Variants in GADL1 observed in about 807,000 individuals in gnomAD.
The protein encoded by GADL1 is GAD like acidic amino acid decarboxylase 1.
GADL1 carries 71 observed loss-of-function variants against 69.5 expected under a neutral mutation model. That is an observed-to-expected ratio of 1.02 (90% CI 0.84 to 1.25). The LOEUF (loss-of-function observed/expected upper bound fraction) is 1.25. Among genes scored for constraint, GADL1 ranks in the 50% most tolerant of loss-of-function variants. The pLI, the probability that GADL1 is intolerant of heterozygous loss-of-function variation, is 0.00. For synonymous variants in GADL1, 254 were observed against 214.4 expected (o/e 1.18, Z -1.62); for missense variants, 737 against 631.8 (o/e 1.17, Z -1.79).
chr3:30,806,039 A>G (rs556940786), intron 11 of GADL1, among the ~76,000 whole-genome samples: 35 of 152,108 alleles, frequency 2.3e-4, no homozygotes, highest in African/African-American at 8.0e-4. Flanking sequence ...CTAACAGGCC[A>G]TGAACCGGTA....
intron 11 of GADL1, among the ~76,000 whole-genome samples, chr3:30,817,542 C>A (rs928263790): frequency 2.0e-5 from 3 of 152,108 alleles, no homozygotes; most frequent in Non-Finnish European, 2.9e-5. Flanking sequence ...AGTGGCTAAT[C>A]CTCTAATGCT....
At chr3:30,761,672 AG>A (rs1472452868) in intron 14 of GADL1, among the ~76,000 whole-genome samples, 1 of 150,512 alleles carries the variant, frequency 6.6e-6, no homozygotes, top group African/African-American at 2.4e-5. Flanking sequence ...TTTTTAAAAA[AG>A]GAATGAGATT....
At position 30,781,857 on chromosome 3, in the gene GADL1, A is replaced by G. The variant is rs151045169; in HGVS notation, c.1303-3589T>C. ...TTTGGGGCCATAATGGCAAAAAGAG[A>G]TGTCTTTTAAAGTGGATGAGTAGCT... On this transcript the variant is annotated intron_variant, in intron 13 of 14. Transcript: ENST00000282538. Among the ~76,000 whole-genome samples the G allele has an allele frequency of 1.9e-3, 286 of 152,312 alleles. No individual in the cohort carries two copies. The South Asian group carries it at 0.02, about 11-fold the overall frequency.
chr3:30,752,422 A>C (rs1391634753), intron 14 of GADL1, among the ~76,000 whole-genome samples: 1 of 151,418 alleles, frequency 6.6e-6, no homozygotes, highest in Non-Finnish European at 1.5e-5. Flanking sequence ...GATGGGAGTA[A>C]CAATGGAGTC....
intron 6 of GADL1, among the ~76,000 whole-genome samples, chr3:30,846,180 A>G (rs1231160378): frequency 6.6e-6 from 1 of 152,186 alleles, no homozygotes; most frequent in East Asian, 1.9e-4. Flanking sequence ...AGTTTCAAGG[A>G]AAGGAAAAAC....
chr3:30,828,801 C>T (rs1458976076), intron 11 of GADL1, among the ~76,000 whole-genome samples: 3 of 151,898 alleles, frequency 2.0e-5, no homozygotes, highest in Admixed American at 6.6e-5. Context: ...ATATACTCTA[C>T]TCTGCTCATG....
chr3:30,738,158 A>C (rs1267344784), intron 14 of GADL1, among the ~76,000 whole-genome samples: 2 of 152,130 alleles, frequency 1.3e-5, no homozygotes, highest in Non-Finnish European at 2.9e-5. Flanking sequence ...TTGTGGGCCA[A>C]CTCCCAAATG....
intron 1 of GADL1, among the ~76,000 whole-genome samples, chr3:30,871,450 C>T (rs1436440094): frequency 1.3e-5 from 2 of 151,690 alleles, no homozygotes; most frequent in African/African-American, 4.9e-5. Flanking sequence ...GAATTTGAGC[C>T]AGGTATCCCA....
chr3:30,786,515 C>A, intron 12 of GADL1, 109 bp from the exon 13 acceptor site: 1 of 680,426 alleles, frequency 1.5e-6, no homozygotes. Context: ...AAGAAAGATA[C>A]AGATAAAGGT....
At chr3:30,859,560 A>G (rs1273539972) in intron 2 of GADL1, among the ~76,000 whole-genome samples, 1 of 151,996 alleles carries the variant, frequency 6.6e-6, no homozygotes, top group Non-Finnish European at 1.5e-5. Context: ...TAACTATTCT[A>G]ATGAAGATAT....
rs186759311 is a variant in GADL1, at chr3:30,893,713, C to A, written c.37+865G>T. Among the ~76,000 whole-genome samples, 409 of 152,164 alleles carry A rather than the reference C, an allele frequency of 2.7e-3. 1 individual carries two copies. The highest frequency in any genetic ancestry group is 0.01 in the Middle Eastern group (3 of 294). On this transcript the variant is annotated intron_variant, in intron 1 of 14. Coordinates refer to ENST00000282538, the MANE Select transcript of GADL1 (RefSeq NM_207359.3). ...TTAAAAGGTGAAATATTTGTTTCAG[C>A]CAAATGGTTTCTGCCTCACCAACTA...
chr3:30,818,595 C>T (rs1177330445), intron 11 of GADL1, among the ~76,000 whole-genome samples: 2 of 150,764 alleles, frequency 1.3e-5, no homozygotes, highest in African/African-American at 2.5e-5. Flanking sequence ...ATACAAAATA[C>T]CTCATTAAAT....
At chr3:30,743,547 G>A (rs1042883994) in intron 14 of GADL1, among the ~76,000 whole-genome samples, 6 of 152,162 alleles carry the variant, frequency 3.9e-5, no homozygotes, top group Non-Finnish European at 5.9e-5. Context: ...CAAGGAAAGT[G>A]GGTTGCTAGA....
intron 4 of GADL1, 146 bp downstream of exon 4, chr3:30,854,553 A>G: frequency 1.8e-6 from 1 of 543,856 alleles, no homozygotes. Context: ...CTATTTGAAT[A>G]CTGATAAGTA....
chr3:30,835,421 G>A (rs1253245742), intron 9 of GADL1, among the ~76,000 whole-genome samples: 2 of 151,988 alleles, frequency 1.3e-5, no homozygotes, highest in African/African-American at 4.8e-5. Context: ...CCACAGATAT[G>A]GAAGATAAAG....
At chr3:30,748,019 A>G (rs1296949528) in intron 14 of GADL1, among the ~76,000 whole-genome samples, 2 of 152,214 alleles carry the variant, frequency 1.3e-5, no homozygotes, top group African/African-American at 4.8e-5. Flanking sequence ...AGTACAGCCT[A>G]CAAAAAAATT....
At chr3:30,838,643 C>A (rs145388002) in intron 9 of GADL1, among the ~76,000 whole-genome samples, 2 of 152,086 alleles carry the variant, frequency 1.3e-5, no homozygotes, top group South Asian at 2.1e-4. Flanking sequence ...AGGCTAAGAT[C>A]GCAATGAAGA....
chr3:30,849,900 G>T, intron 6 of GADL1, 96 bp downstream of exon 6: 2 of 717,384 alleles, frequency 2.8e-6, no homozygotes, highest in African/African-American at 1.8e-5. Flanking sequence ...TAGTCACATG[G>T]GTATAGGACA....
At chr3:30,753,639 G>A (rs199622529) in intron 14 of GADL1, among the ~76,000 whole-genome samples, 1 of 143,852 alleles carries the variant, frequency 7.0e-6, no homozygotes, top group African/African-American at 2.6e-5. Context: ...GATCACTCTT[G>A]TTTACTTGCG....
Sources: gnomAD v4.1 joint callset for allele counts (sites outside exome capture counted in the v4.1 genomes callset) on GRCh38, gnomAD v4.1.1 for gene constraint, MANE v1.5 for transcripts, NCBI Gene and HGNC (gene_info 2026-07-23, HGNC 2026-07-21) for gene names.